Variants in CACNA1D observed in about 807,000 individuals in gnomAD.
CACNA1D encodes voltage-dependent L-type calcium channel subunit alpha-1D.
Under a neutral mutation model 257.1 loss-of-function variants are expected in CACNA1D, and 55 were observed. The ratio of observed to expected loss-of-function variants is 0.21; its 90% CI spans 0.17 to 0.27. The LOEUF (loss-of-function observed/expected upper bound fraction) is 0.27. CACNA1D is among the 10% of genes least tolerant of loss of function. The pLI, the probability that CACNA1D is intolerant of heterozygous loss-of-function variation, is 1.00. For missense variants in CACNA1D, 1,876 were observed against 2,784.0 expected, an observed-to-expected ratio of 0.67 and a Z score of 7.34; for synonymous variants, 980 against 1,014.9, an observed-to-expected ratio of 0.97 and a Z score of 0.65.
rs2095534853 is a variant in CACNA1D at position 53,801,355 on chromosome 3, G to A, written c.5338G>A (p.Val1780Met). ...GCCCAGCATTGGGAACCTTGAGCAT[G>A]TGTCTGAAAATGGGCATCATTCTTC... ...KRPSIGNLEHVSENGHHSSHK... is the reference protein window; with the variant it reads ...KRPSIGNLEHMSENGHHSSHK... Residue 1780 changes from valine (V) to methionine (M), a missense_variant, in exon 42 of 48, where the codon GTG becomes ATG. By Grantham distance (21) the Val-to-Met change is conservative. This residue lies in a region of CACNA1D where 491 missense variants were observed against 554.3 expected (regional missense o/e 0.89). Transcript: ENST00000350061. 7 of 1,614,194 alleles carry A rather than the reference G, an allele frequency of 4.3e-6. No homozygotes were observed. The highest frequency in any genetic ancestry group is 5.9e-6 in the Non-Finnish European group (7 of 1,180,022).
intron 39 of CACNA1D, among the ~76,000 whole-genome samples, chr3:53,784,103 T>C (rs950594270): frequency 6.6e-6 from 1 of 152,220 alleles, no homozygotes; most frequent in Non-Finnish European, 1.5e-5. Context: ...GATCTGTGGA[T>C]ACATGTCAGG....
intron 3 of CACNA1D, among the ~76,000 whole-genome samples, chr3:53,528,237 A>G (rs1003570395): frequency 6.6e-6 from 1 of 152,160 alleles, no homozygotes; most frequent in Non-Finnish European, 1.5e-5. Context: ...AATTCCAGCC[A>G]CCTCCCTTGT....
chr3:53,640,009 G>A (rs1165330644), intron 3 of CACNA1D, among the ~76,000 whole-genome samples: 4 of 151,570 alleles, frequency 2.6e-5, no homozygotes, highest in Non-Finnish European at 4.4e-5. Flanking sequence ...TTACAGACTC[G>A]TGCCACCATA....
At chr3:53,524,177 A>C (rs1198694090) in intron 3 of CACNA1D, among the ~76,000 whole-genome samples, 1 of 152,240 alleles carries the variant, frequency 6.6e-6, no homozygotes, top group Admixed American at 6.5e-5. Context: ...TGATAAGAGC[A>C]GAGAACAGTC....
intron 5 of CACNA1D, 46 bp downstream of exon 5, chr3:53,660,321 C>G (rs1477236206): frequency 6.2e-7 from 1 of 1,602,518 alleles, no homozygotes; most frequent in Non-Finnish European, 8.5e-7. Flanking sequence ...CTGGTTTTTT[C>G]TTCCAGGTGG....
At chr3:53,538,141 G>GTTTTTTTGT (rs2092171098) in intron 3 of CACNA1D, among the ~76,000 whole-genome samples, 7 of 90,466 alleles carry the variant, frequency 7.7e-5, no homozygotes, top group African/African-American at 4.2e-4. Flanking sequence ...AGTTTTTGAA[G>GTTTTTTTGT]TTTTTTTTTT....
chr3:53,713,793 C>T (rs980556855), intron 9 of CACNA1D, among the ~76,000 whole-genome samples: 6 of 152,122 alleles, frequency 3.9e-5, no homozygotes, highest in Non-Finnish European at 8.8e-5. Flanking sequence ...GGGCCTGGCC[C>T]GGCTGCCCAT....
chr3:53,610,211 T>C (rs2093566434), intron 3 of CACNA1D, among the ~76,000 whole-genome samples: 1 of 152,244 alleles, frequency 6.6e-6, no homozygotes, highest in African/African-American at 2.4e-5. Flanking sequence ...TATTGGGCTG[T>C]TAATGGGTAG....
At chr3:53,621,439 C>A (rs771881374) in intron 3 of CACNA1D, among the ~76,000 whole-genome samples, 1 of 151,980 alleles carries the variant, frequency 6.6e-6, no homozygotes, top group African/African-American at 2.4e-5. Flanking sequence ...ACAGTGGTGG[C>A]GAGAGAGTCA....
At chr3:53,586,716 T>A (rs1417217298) in intron 3 of CACNA1D, among the ~76,000 whole-genome samples, 3 of 152,170 alleles carry the variant, frequency 2.0e-5, no homozygotes, top group African/African-American at 2.4e-5. Context: ...ATATTAAATA[T>A]TTCCATCTTA....
chr3:53,764,021 G>A (rs753933548), intron 30 of CACNA1D, among the ~76,000 whole-genome samples: 9 of 152,166 alleles, frequency 5.9e-5, no homozygotes, highest in Non-Finnish European at 1.2e-4. Flanking sequence ...ACTGTCAGAC[G>A]TGACTGTGCC....
chr3:53,693,310 T>C (rs766096090), intron 8 of CACNA1D, among the ~76,000 whole-genome samples: 1 of 152,136 alleles, frequency 6.6e-6, no homozygotes, highest in Non-Finnish European at 1.5e-5. Context: ...TGCCTATTGG[T>C]CTCATGCAGA....
chr3:53,763,155 C>T (rs1284132935), intron 30 of CACNA1D, among the ~76,000 whole-genome samples: 1 of 152,216 alleles, frequency 6.6e-6, no homozygotes, highest in Admixed American at 6.5e-5. Flanking sequence ...CACTGGTGAA[C>T]GTCCCACACC....
intron 20 of CACNA1D, among the ~76,000 whole-genome samples, chr3:53,737,747 C>T (rs537109041): frequency 7.9e-5 from 12 of 152,300 alleles, no homozygotes; most frequent in Admixed American, 7.2e-4. Flanking sequence ...CGCTTGAACC[C>T]AGGAGGCGGA....
chr3:53,590,486 TC>T (rs1235248296), intron 3 of CACNA1D, among the ~76,000 whole-genome samples: 2 of 152,228 alleles, frequency 1.3e-5, no homozygotes, highest in Non-Finnish European at 2.9e-5. Flanking sequence ...CCATGAAATG[TC>T]CCAGAAATCC....
At chr3:53,502,531 T>A (rs1347480609) in intron 3 of CACNA1D, among the ~76,000 whole-genome samples, 1 of 151,762 alleles carries the variant, frequency 6.6e-6, no homozygotes, top group Non-Finnish European at 1.5e-5. Context: ...GAACTTCCTT[T>A]GGGAAAGGTT....
At chr3:53,515,011 C>T (rs1211724715) in intron 3 of CACNA1D, among the ~76,000 whole-genome samples, 1 of 152,150 alleles carries the variant, frequency 6.6e-6, no homozygotes, top group Non-Finnish European at 1.5e-5. Flanking sequence ...CTGGACCATA[C>T]CCCATCATCA....
chr3:53,734,157 G>C (rs894624777), intron 19 of CACNA1D, among the ~76,000 whole-genome samples: 16 of 151,082 alleles, frequency 1.1e-4, no homozygotes, highest in African/African-American at 2.9e-4. Context: ...AGGTCCTCAG[G>C]GGGGTACGCC....
chr3:53,506,703 T>G (rs1575697646), intron 3 of CACNA1D, among the ~76,000 whole-genome samples: 1 of 152,246 alleles, frequency 6.6e-6, no homozygotes, highest in East Asian at 1.9e-4. Context: ...AGTAATGACA[T>G]CCCAGGAAAC....
Sources: gnomAD v4.1 joint callset for allele counts (sites outside exome capture counted in the v4.1 genomes callset) on GRCh38, gnomAD v4.1.1 for gene constraint, gnomAD v4.1.1 regional missense constraint, MANE v1.5 for transcripts, NCBI Gene and HGNC (gene_info 2026-07-23, HGNC 2026-07-21) for gene names.